The following ARHGAP15 variants were observed in gnomAD, a reference collection of about 807,000 sequenced individuals.
ARHGAP15 encodes the protein rho GTPase-activating protein 15.
In ARHGAP15, 51 loss-of-function variants were observed where a neutral mutation model predicts 63.7. The observed-to-expected ratio is 0.80, with a 90% CI of 0.64 to 1.01. The LOEUF is 1.01. Ranked by LOEUF, ARHGAP15 falls within the 50% of genes least tolerant of loss-of-function variation. ARHGAP15 has a pLI of 0.00. For synonymous variants in ARHGAP15, 191 were observed against 193.8 expected (o/e 0.99, Z 0.12); for missense variants, 560 against 564.6 (o/e 0.99, Z 0.08).
At chr2:143,161,342 T>C (rs1690288041) in intron 2 of ARHGAP15, among the ~76,000 whole-genome samples, 1 of 151,952 alleles carries the variant, frequency 6.6e-6, no homozygotes, top group Admixed American at 6.6e-5. Flanking sequence ...AGTTCAGACA[T>C]TGTTTTGTTA....
At chr2:143,549,111 C>G (rs545119193) in intron 10 of ARHGAP15, among the ~76,000 whole-genome samples, 3 of 152,106 alleles carry the variant, frequency 2.0e-5, no homozygotes, top group African/African-American at 7.2e-5. Context: ...TAATCCCTCA[C>G]CATTTATTTC....
At chr2:143,399,141 A>C (rs1687892149) in intron 6 of ARHGAP15, among the ~76,000 whole-genome samples, 1 of 152,084 alleles carries the variant, frequency 6.6e-6, no homozygotes, top group South Asian at 2.1e-4. Context: ...TCTGTTGCCA[A>C]CTGGCCACCT....
At chr2:143,503,555 A>G (rs1431321577) in intron 9 of ARHGAP15, among the ~76,000 whole-genome samples, 4 of 152,236 alleles carry the variant, frequency 2.6e-5, no homozygotes, top group African/African-American at 9.6e-5. Context: ...CGTAGCAAAC[A>G]ATAGCTATTG....
intron 12 of ARHGAP15, among the ~76,000 whole-genome samples, chr2:143,626,105 T>G (rs148604879): frequency 1.4e-4 from 21 of 152,270 alleles, no homozygotes; most frequent in East Asian, 1.2e-3. Context: ...AATATAGGCA[T>G]GGTAAGAACG....
intron 2 of ARHGAP15, among the ~76,000 whole-genome samples, chr2:143,197,173 G>T (rs1480673093): frequency 6.6e-6 from 1 of 151,800 alleles, no homozygotes; most frequent in Non-Finnish European, 1.5e-5. Context: ...CTGCAATACT[G>T]GTAGTAGAGA....
intron 12 of ARHGAP15, among the ~76,000 whole-genome samples, chr2:143,646,957 C>G (rs1027484201): frequency 2.4e-4 from 36 of 152,068 alleles, no homozygotes; most frequent in African/African-American, 8.2e-4. Context: ...TGTTGAGTTT[C>G]TTTTCACCCA....
chr2:143,708,316 G>GT (rs1684423358), intron 13 of ARHGAP15, among the ~76,000 whole-genome samples: 1 of 152,112 alleles, frequency 6.6e-6, no homozygotes, highest in African/African-American at 2.4e-5. Flanking sequence ...TATTATTACA[G>GT]TATTTTATAG....
intron 13 of ARHGAP15, among the ~76,000 whole-genome samples, chr2:143,741,725 G>A (rs1458008899): frequency 1.3e-5 from 2 of 152,178 alleles, no homozygotes; most frequent in Non-Finnish European, 2.9e-5. Flanking sequence ...GCAGAGACCA[G>A]GCAGCCTGGA....
chr2:143,523,020 A>G (rs998667105), intron 10 of ARHGAP15, among the ~76,000 whole-genome samples: 10 of 152,188 alleles, frequency 6.6e-5, no homozygotes, highest in African/African-American at 2.4e-4. Context: ...ACCTTAATTC[A>G]TAGTTCTTTT....
chr2:143,134,906 G>A (rs1001823804), intron 1 of ARHGAP15, among the ~76,000 whole-genome samples: 4 of 152,048 alleles, frequency 2.6e-5, no homozygotes, highest in African/African-American at 9.7e-5. Flanking sequence ...CAAAGTGCTG[G>A]GATTACAGGC....
intron 13 of ARHGAP15, among the ~76,000 whole-genome samples, chr2:143,721,568 G>T (rs141251699): frequency 1.6e-4 from 25 of 152,324 alleles, no homozygotes; most frequent in Admixed American, 6.5e-5. Flanking sequence ...ATCAAGAGAA[G>T]ACAAGATGGC....
rs57104790 is a variant in ARHGAP15 at position 143,703,598 on chromosome 2, C to T, written c.1244+74C>T. The T allele has an allele frequency of 7.4e-6, 9 of 1,216,522 alleles. No individual in the cohort carries two copies. The South Asian group carries it at 1.3e-4, about 17-fold the overall frequency. The allele number at this position is 1,216,522 out of a possible 1,614,324, so 75.4% of individuals were successfully genotyped here. ...ATGGGCAATATTGAATTTCACATCT[C>T]TAAGGCAAGAGTTTCCAAATGCGTA... On this transcript the variant is annotated intron_variant, in intron 13 of 13. Transcript: ENST00000295095.
chr2:143,712,585 T>C (rs1263889421), intron 13 of ARHGAP15, among the ~76,000 whole-genome samples: 1 of 152,120 alleles, frequency 6.6e-6, no homozygotes, highest in Non-Finnish European at 1.5e-5. Flanking sequence ...TAGAGACTTC[T>C]AACATTGAAT....
chr2:143,253,402 T>C (rs544228208), intron 6 of ARHGAP15, among the ~76,000 whole-genome samples: 60 of 151,932 alleles, frequency 3.9e-4, no homozygotes, highest in Non-Finnish European at 4.1e-4. Context: ...ATATGCTGTT[T>C]GGATGTTTGA....
At chr2:143,671,106 G>A (rs934648769) in intron 12 of ARHGAP15, among the ~76,000 whole-genome samples, 1 of 152,156 alleles carries the variant, frequency 6.6e-6, no homozygotes, top group African/African-American at 2.4e-5. Flanking sequence ...TATGTAACTA[G>A]TTGAACAACA....
chr2:143,659,208 G>A (rs10928192), intron 12 of ARHGAP15, among the ~76,000 whole-genome samples: 19,475 of 151,850 alleles, frequency 0.13, 1,331 homozygotes, highest in East Asian at 0.2. Flanking sequence ...ATAGCTATCC[G>A]CCACCAAAGC....
intron 6 of ARHGAP15, among the ~76,000 whole-genome samples, chr2:143,365,649 A>G (rs1160090402): frequency 6.6e-6 from 1 of 152,252 alleles, no homozygotes; most frequent in Non-Finnish European, 1.5e-5. Flanking sequence ...GATTATAAAC[A>G]TAGAACTTCC....
chr2:143,639,423 G>A (rs1680500875), intron 12 of ARHGAP15, among the ~76,000 whole-genome samples: 1 of 152,114 alleles, frequency 6.6e-6, no homozygotes, highest in Admixed American at 6.6e-5. Context: ...ATAAGCACCA[G>A]TGAAATTCAA....
intron 6 of ARHGAP15, among the ~76,000 whole-genome samples, chr2:143,296,528 T>C (rs1682639918): frequency 6.6e-6 from 1 of 152,012 alleles, no homozygotes; most frequent in South Asian, 2.1e-4. Flanking sequence ...TCCGGTAAGG[T>C]AGTTTCTCAG....
Sources: allele counts gnomAD v4.1 joint callset (sites outside exome capture counted in the v4.1 genomes callset), GRCh38; gene constraint gnomAD v4.1.1; transcripts MANE v1.5; gene names NCBI Gene and HGNC (gene_info 2026-07-23, HGNC 2026-07-21).